The following MIR2052HG variants were observed in gnomAD, a reference collection of about 807,000 sequenced individuals.
The protein encoded by MIR2052HG is MIR2052 host gene.
intron 1 of MIR2052HG, among the ~76,000 whole-genome samples, chr8:74,608,514 T>A (rs187113303): frequency 6.6e-6 from 1 of 152,276 alleles, no homozygotes; most frequent in East Asian, 1.9e-4. Flanking sequence ...GAATACACAT[T>A]CTTTTCAATG....
At chr8:74,613,267 A>G (rs1202846611) in intron 2 of MIR2052HG, among the ~76,000 whole-genome samples, 2 of 152,178 alleles carry the variant, frequency 1.3e-5, no homozygotes, top group Non-Finnish European at 2.9e-5. Flanking sequence ...TATTGTAGAC[A>G]ATCTGAGCTT....
Position 74,727,929 on chromosome 8 carries a change from T to C in MIR2052HG, n.371+24247T>C, listed in dbSNP as rs191910178. Among the ~76,000 whole-genome samples, 15 of 150,886 alleles carry C rather than the reference T, an allele frequency of 9.9e-5. 1 individual carries two copies. Among genetic ancestry groups the C allele is most frequent in the African/African-American group, 3.5e-4 (14 of 40,212 alleles). On this transcript the variant is annotated intron_variant and non_coding_transcript_variant, in intron 4 of 6. Transcript: ENST00000523442. Reference sequence around the variant, plus strand: ...CCTTTGTTGTACCCGGAGTTCATTGTGCATGTAGGATGAACTTTCTCACAG... The same window carrying C: ...CCTTTGTTGTACCCGGAGTTCATTGCGCATGTAGGATGAACTTTCTCACAG...
At chr8:74,737,987 T>C (rs1031932046) in intron 4 of MIR2052HG, among the ~76,000 whole-genome samples, 3 of 151,960 alleles carry the variant, frequency 2.0e-5, no homozygotes, top group African/African-American at 7.3e-5. Context: ...TCTATGTATG[T>C]ATGTATGTAT....
At chr8:74,659,500 A>C (rs928456941) in intron 2 of MIR2052HG, among the ~76,000 whole-genome samples, 4 of 152,142 alleles carry the variant, frequency 2.6e-5, no homozygotes, top group Non-Finnish European at 4.4e-5. Flanking sequence ...GAGGGCAATA[A>C]TATAATCGCA....
chr8:74,635,848 A>G (rs1393030455), intron 2 of MIR2052HG, among the ~76,000 whole-genome samples: 1 of 152,230 alleles, frequency 6.6e-6, no homozygotes, highest in Middle Eastern at 3.2e-3. Context: ...GCAATATAAA[A>G]GTCTGATGTG....
chr8:74,662,038 T>C (rs1808870621), intron 2 of MIR2052HG, among the ~76,000 whole-genome samples: 1 of 152,120 alleles, frequency 6.6e-6, no homozygotes, highest in Non-Finnish European at 1.5e-5. Context: ...AGGTTAAAAA[T>C]TTTACCCTAC....
chr8:74,600,601 A>T (rs950910242), intron 1 of MIR2052HG, among the ~76,000 whole-genome samples: 3 of 149,414 alleles, frequency 2.0e-5, no homozygotes, highest in African/African-American at 7.4e-5. Flanking sequence ...AAAAAAAAAG[A>T]GACGGAGCTC....
At chr8:74,719,386 G>A (rs1809551594) in intron 4 of MIR2052HG, among the ~76,000 whole-genome samples, 1 of 152,208 alleles carries the variant, frequency 6.6e-6, no homozygotes, top group African/African-American at 2.4e-5. Context: ...ATCCAATCTT[G>A]CTGGCAGGAG....
intron 1 of MIR2052HG, among the ~76,000 whole-genome samples, chr8:74,603,070 C>G (rs1243203669): frequency 7.1e-6 from 1 of 141,344 alleles, no homozygotes; most frequent in Non-Finnish European, 1.5e-5. Flanking sequence ...CAGGTAGAAG[C>G]TTATAAAACT....
At chr8:74,643,894 A>G (rs1293596243) in intron 2 of MIR2052HG, among the ~76,000 whole-genome samples, 1 of 152,210 alleles carries the variant, frequency 6.6e-6, no homozygotes, top group Admixed American at 6.5e-5. Context: ...AATTCTTTCT[A>G]TAAGGAAAAC....
chr8:74,697,176 T>C (rs1181639774), intron 2 of MIR2052HG, among the ~76,000 whole-genome samples: 3 of 152,066 alleles, frequency 2.0e-5, no homozygotes, highest in African/African-American at 4.8e-5. Context: ...GTTTAACATA[T>C]GCAAGTCAAT....
intron 2 of MIR2052HG, among the ~76,000 whole-genome samples, chr8:74,669,333 A>G (rs763083092): frequency 1.1e-4 from 16 of 152,042 alleles, no homozygotes; most frequent in Non-Finnish European, 1.9e-4. Context: ...ATGCATCCCA[A>G]ACCCAATTGC....
intron 2 of MIR2052HG, among the ~76,000 whole-genome samples, chr8:74,616,668 T>G (rs1173894551): frequency 6.6e-6 from 1 of 152,116 alleles, no homozygotes; most frequent in Admixed American, 6.6e-5. Flanking sequence ...TGGTGAGATT[T>G]CATTGTAAAT....
chr8:74,702,982 C>A (rs1381105454), intron 3 of MIR2052HG, among the ~76,000 whole-genome samples: 1 of 152,046 alleles, frequency 6.6e-6, no homozygotes, highest in East Asian at 1.9e-4. Flanking sequence ...GTTACGTTCT[C>A]TGAAAAGTTC....
intron 4 of MIR2052HG, among the ~76,000 whole-genome samples, chr8:74,746,426 T>C (rs776515582): frequency 6.6e-6 from 1 of 152,132 alleles, no homozygotes; most frequent in Non-Finnish European, 1.5e-5. Context: ...CTAGACGTCA[T>C]TGAGCACACC....
intron 4 of MIR2052HG, among the ~76,000 whole-genome samples, chr8:74,735,215 G>T (rs909950247): frequency 6.6e-6 from 1 of 152,164 alleles, no homozygotes; most frequent in Admixed American, 6.5e-5. Flanking sequence ...GACTTAGAAG[G>T]TACTTGATAA....
intron 2 of MIR2052HG, among the ~76,000 whole-genome samples, chr8:74,692,507 G>A (rs536546363): frequency 3.3e-5 from 5 of 152,268 alleles, no homozygotes; most frequent in South Asian, 2.1e-4. Flanking sequence ...GCGTGATGAC[G>A]TAACTTCTGT....
Position 74,609,899 on chromosome 8 carries a change from T to C in MIR2052HG, n.129-2954T>C, listed in dbSNP as rs573967911. On this transcript the variant is annotated intron_variant and non_coding_transcript_variant, in intron 1 of 6. Transcript: ENST00000523442. ...TTTCTTCATAAGACCAGGAAAAATG[T>C]AAGAATATTTACTCTCATCCTTTGT... 7 of 151,652 alleles carry C rather than the reference T, an allele frequency of 4.6e-5. No homozygotes were observed. In the East Asian group the frequency reaches 1.3e-3, roughly 29 times the overall value. The allele number at this position is 151,652 out of a possible 1,614,324, so 9.4% of individuals were successfully genotyped here.
intron 2 of MIR2052HG, among the ~76,000 whole-genome samples, chr8:74,678,761 G>GAC (rs1314201939): frequency 6.6e-6 from 1 of 151,584 alleles, no homozygotes; most frequent in Non-Finnish European, 1.5e-5. Context: ...TAATAGAAAT[G>GAC]ACAGTAATAT....
Sources: allele counts gnomAD v4.1 joint callset (sites outside exome capture counted in the v4.1 genomes callset), GRCh38; gene constraint gnomAD v4.1.1; transcripts MANE v1.5; gene names NCBI Gene and HGNC (gene_info 2026-07-23, HGNC 2026-07-21).